Variants in KL observed in about 807,000 individuals in gnomAD.
KL encodes alpha-klotho.
In KL, 62 loss-of-function variants were observed where a neutral mutation model predicts 84.2. That is an observed-to-expected ratio of 0.74 (90% CI 0.60 to 0.91). The LOEUF is 0.91. KL is among the 40% of genes least tolerant of loss of function. KL has a pLI of 0.00. For synonymous variants in KL, 528 were observed against 528.0 expected (o/e 1.00, Z 0.00); for missense variants, 1,261 against 1,305.7 (o/e 0.97, Z 0.53).
intron 1 of KL, among the ~76,000 whole-genome samples, chr13:33,050,491 C>T (rs565526941): frequency 3.9e-5 from 6 of 152,278 alleles, no homozygotes; most frequent in Non-Finnish European, 5.9e-5. Flanking sequence ...TGAGGGCCTC[C>T]GTGTGCCAGG....
At chr13:33,022,353 GTCTT>G (rs1330018868) in intron 1 of KL, among the ~76,000 whole-genome samples, 2 of 152,164 alleles carry the variant, frequency 1.3e-5, no homozygotes, top group East Asian at 1.9e-4. Context: ...TGCAAAAGTT[GTCTT>G]TCTTTCAATG....
intron 1 of KL, among the ~76,000 whole-genome samples, chr13:33,041,159 T>C (rs1871326532): frequency 6.6e-6 from 1 of 152,082 alleles, no homozygotes. Flanking sequence ...AGTTGTTTGA[T>C]TCCATTTACA....
Position 33,016,700 on chromosome 13 carries a change from C to T in KL, c.260C>T (p.Ala87Val), listed in dbSNP as rs745941869. Residue 87 changes from alanine to valine, a missense_variant, in exon 1 of 5, where the codon GCG (alanine) becomes GTG (valine). Physicochemically the swap from Ala to Val is moderately conservative, Grantham distance 64. Transcript: ENST00000380099. ...EGGWQQHGKG[A>V]SIWDTFTHHP... Reference sequence around the variant, plus strand: ...GGCTGGCAGCAGCACGGCAAGGGTGCGTCCATCTGGGATACGTTCACCCAC... The same window carrying T: ...GGCTGGCAGCAGCACGGCAAGGGTGTGTCCATCTGGGATACGTTCACCCAC... The T allele has an allele frequency of 8.7e-6, 14 of 1,608,482 alleles. No homozygotes were observed. In the South Asian group the frequency reaches 1.4e-4, roughly 17 times the overall value.
intron 1 of KL, among the ~76,000 whole-genome samples, chr13:33,033,007 T>G (rs1002377122): frequency 6.6e-6 from 1 of 152,314 alleles, no homozygotes; most frequent in South Asian, 2.1e-4. Flanking sequence ...AATTATTCTA[T>G]GTACCTATGT....
rs1260386842 is a variant in KL, at chr13:33,060,923, T to C, written c.1844T>C (p.Ile615Thr). 2 of 1,613,862 alleles carry C rather than the reference T, an allele frequency of 1.2e-6. No homozygotes were observed. The highest frequency in any genetic ancestry group is 3.3e-5 in the Admixed American group (2 of 60,004). ...LGNQSQVNHT[I>T]LQYYRCMASE... The stretch of plus-strand genomic sequence containing the variant: ...AACCAGTCCCAGGTGAACCACACCA[T>C]CCTGCAGTACTATCGCTGCATGGCC... The change falls in exon 4 of 5, where the codon ATC becomes ACC. Residue 615 changes from isoleucine to threonine, a missense_variant. Physicochemically the swap from Ile to Thr is moderately conservative, Grantham distance 89 (BLOSUM62 -1). Transcript: ENST00000380099.
intron 1 of KL, among the ~76,000 whole-genome samples, chr13:33,024,485 G>C (rs1379292500): frequency 6.6e-6 from 1 of 152,184 alleles, no homozygotes. Context: ...GAGGACTGAG[G>C]ACGAGTGGTT....
Position 33,061,201 on chromosome 13 carries a change from G to A in KL, c.2122G>A (p.Ala708Thr), listed in dbSNP as rs1872179879. The A allele has an allele frequency of 6.2e-7, 1 of 1,614,264 alleles. No individual in the cohort carries two copies. The highest frequency in any genetic ancestry group is 8.5e-7 in the Non-Finnish European group (1 of 1,180,058). Residue 708 changes from alanine to threonine, a missense_variant, in exon 4 of 5, where the codon GCC becomes ACC. Ala to Thr is a moderately conservative substitution (Grantham distance 58). Transcript: ENST00000380099. ...SAGHNLLKAH[A>T]LAWHVYNEKF... ...TGGCCACAACCTTCTGAAGGCCCAT[G>A]CCCTGGCTTGGCATGTGTACAATGA...
intron 1 of KL, among the ~76,000 whole-genome samples, chr13:33,029,298 G>T (rs1870886414): frequency 6.6e-6 from 1 of 152,176 alleles, no homozygotes; most frequent in Non-Finnish European, 1.5e-5. Flanking sequence ...ATAGGGTTAT[G>T]AATAAACCTT....
intron 1 of KL, among the ~76,000 whole-genome samples, chr13:33,049,646 A>G (rs1349109992): frequency 6.6e-6 from 1 of 152,142 alleles, no homozygotes; most frequent in Non-Finnish European, 1.5e-5. Context: ...ATGGAAGGCT[A>G]GATAATCTTA....
At chr13:33,034,540 CAA>C (rs139240544) in intron 1 of KL, among the ~76,000 whole-genome samples, 1 of 146,454 alleles carries the variant, frequency 6.8e-6, no homozygotes. Context: ...TGAGTGCCAC[CAA>C]AAAAAAAAAT....
chr13:33,031,019 G>T (rs1345708140), intron 1 of KL, among the ~76,000 whole-genome samples: 1 of 152,084 alleles, frequency 6.6e-6, no homozygotes, highest in African/African-American at 2.4e-5. Flanking sequence ...AGAGAATAAG[G>T]AAATACAGGT....
rs1384221025 is a variant in KL at position 33,061,090 on chromosome 13, C to T, written c.2011C>T (p.Arg671Ter). 5 of 1,613,452 alleles carry T rather than the reference C, an allele frequency of 3.1e-6. No individual in the cohort carries two copies. The highest frequency in any genetic ancestry group is 1.3e-5 in the African/African-American group (1 of 74,904). Reference protein sequence around the residue: ...YTALAFAEYARLCFQELGHHV... With the variant: ...YTALAFAEYA ...TGCCCTGGCCTTTGCAGAGTATGCCCGACTGTGCTTTCAAGAGCTCGGCCA... is the reference window on the plus strand; with the variant it reads ...TGCCCTGGCCTTTGCAGAGTATGCCTGACTGTGCTTTCAAGAGCTCGGCCA... Residue 671 changes from arginine to a stop codon, truncating the protein, a stop_gained, in exon 4 of 5, where the codon CGA (arginine) becomes TGA (stop). Transcript: ENST00000380099. LOFTEE classifies it high-confidence loss of function.
chr13:33,063,878 G>T lies in KL; in HGVS notation c.2731G>T (p.Gly911Ter). 1 of 1,614,028 alleles carries T rather than the reference G, an allele frequency of 6.2e-7. No homozygotes were observed. Among genetic ancestry groups the T allele is most frequent in the Non-Finnish European group, 8.5e-7 (1 of 1,180,018 alleles). ...AHILDGINLCGYFAYSFNDRT... is the reference protein window; with the variant it reads ...AHILDGINLC ...CATACTGGATGGTATCAATCTTTGC[G>T]GATACTTTGCTTATTCGTTTAACGA... is the stretch of plus-strand genomic sequence containing the variant. The change falls in exon 5 of 5, where the codon GGA becomes TGA. Residue 911 changes from glycine (G) to a stop codon, truncating the protein, a stop_gained. Coordinates refer to ENST00000380099, the MANE Select transcript of KL (RefSeq NM_004795.4). LOFTEE classifies it high-confidence loss of function.
chr13:33,038,597 A>G (rs1188757087), intron 1 of KL, among the ~76,000 whole-genome samples: 1 of 152,206 alleles, frequency 6.6e-6, no homozygotes, highest in Non-Finnish European at 1.5e-5. Context: ...CATTTGGTGA[A>G]AAATAAATCC....
rs750823839 is a variant in KL at position 33,060,752 on chromosome 13, T to C, written c.1673T>C (p.Ile558Thr). ...LWDVHHSKRLIKVDGVVTKKR... is the reference protein window; with the variant it reads ...LWDVHHSKRLTKVDGVVTKKR... ...GATGTCCACCACAGTAAAAGGCTTA[T>C]TAAAGTGGATGGGGTTGTGACCAAG... The change falls in exon 4 of 5, where the codon ATT (isoleucine) becomes ACT (threonine). Residue 558 changes from isoleucine (I) to threonine (T), a missense_variant. Ile to Thr is a moderately conservative substitution (Grantham distance 89). Coordinates refer to ENST00000380099, the MANE Select transcript of KL (RefSeq NM_004795.4). The C allele has an allele frequency of 1.2e-6, 2 of 1,614,218 alleles. No individual in the cohort carries two copies. Among genetic ancestry groups the C allele is most frequent in the South Asian group, 1.1e-5 (1 of 91,082 alleles).
chr13:33,055,021 G>A, intron 2 of KL, 26 bp from the exon 3 acceptor site: 3 of 1,614,046 alleles, frequency 1.9e-6, no homozygotes, highest in Non-Finnish European at 2.5e-6. Flanking sequence ...GGGTCATGTT[G>A]CTCTTGTCCC....
At chr13:33,034,292 A>G (rs900982040) in intron 1 of KL, among the ~76,000 whole-genome samples, 13 of 152,220 alleles carry the variant, frequency 8.5e-5, no homozygotes, top group Admixed American at 7.8e-4. Context: ...AGTTAATCCC[A>G]TTCTCCTATC....
intron 2 of KL, 130 bp from the exon 3 acceptor site, chr13:33,054,917 A>G (rs1328739420): frequency 1.7e-6 from 2 of 1,198,148 alleles, no homozygotes; most frequent in Non-Finnish European, 2.4e-6. Context: ...AAGAAGAAAA[A>G]TCATTGGCTT....
chr13:33,042,950 G>A (rs1871391464), intron 1 of KL, among the ~76,000 whole-genome samples: 1 of 152,148 alleles, frequency 6.6e-6, no homozygotes, highest in African/African-American at 2.4e-5. Flanking sequence ...CCAAAGTGCT[G>A]GGATTACAGT....
Sources: allele counts gnomAD v4.1 joint callset (sites outside exome capture counted in the v4.1 genomes callset), GRCh38; gene constraint gnomAD v4.1.1; transcripts MANE v1.5; gene names NCBI Gene and HGNC (gene_info 2026-07-23, HGNC 2026-07-21).